The following LRRIQ1 variants were observed in gnomAD, a reference collection of about 807,000 sequenced individuals.
LRRIQ1 encodes the protein leucine rich repeats and IQ motif containing 1.
A neutral mutation model predicts 211.9 loss-of-function variants in LRRIQ1; 210 were observed. The observed-to-expected ratio is 0.99, with a 90% CI of 0.89 to 1.11. LRRIQ1 has a LOEUF of 1.11. Ranked by LOEUF, LRRIQ1 falls within the 50% of genes most tolerant of loss-of-function variation. The pLI is 0.00. For synonymous variants in LRRIQ1, 699 were observed against 650.1 expected, an observed-to-expected ratio of 1.08 and a Z score of -1.14; for missense variants, 2,136 against 1,939.5, an observed-to-expected ratio of 1.10 and a Z score of -1.90.
chr12:85,180,230 C>T (rs1308347935), intron 24 of LRRIQ1, among the ~76,000 whole-genome samples: 1 of 151,760 alleles, frequency 6.6e-6, no homozygotes, highest in Non-Finnish European at 1.5e-5. Flanking sequence ...AGGTTATGGA[C>T]CCTGAAAAAC....
intron 11 of LRRIQ1, among the ~76,000 whole-genome samples, chr12:85,089,294 G>A (rs916060051): frequency 2.6e-4 from 40 of 152,142 alleles, no homozygotes; most frequent in African/African-American, 8.7e-4. Context: ...CAGAAAATTG[G>A]TATCAAGAAG....
chr12:85,189,335 C>G (rs1441014618), intron 24 of LRRIQ1, among the ~76,000 whole-genome samples: 1 of 152,066 alleles, frequency 6.6e-6, no homozygotes, highest in African/African-American at 2.4e-5. Context: ...CTAAGAAGTG[C>G]CTTTACACAC....
Position 85,244,858 on chromosome 12 carries a change from GT to G in LRRIQ1, c.5087del (p.Val1696GlyfsTer26), listed in dbSNP as rs1895645213. On this transcript the variant is annotated frameshift_variant, in exon 27 of 27. Coordinates refer to ENST00000393217, the MANE Select transcript of LRRIQ1 (RefSeq NM_001079910.2). LOFTEE classifies it high-confidence loss of function. Reference sequence around the variant, plus strand: ...CATGACCAATGGAAGTGCTTTGTCTGTGAACAGAGAAAAAAAAAATCAGGCA... The same window carrying G: ...CATGACCAATGGAAGTGCTTTGTCTGGAACAGAGAAAAAAAAAATCAGGCA... ...FSMTNGSALS[V>X]NREKKNQAHR... The G allele has an allele frequency of 1.9e-6, 3 of 1,603,030 alleles. No homozygotes were observed. The highest frequency in any genetic ancestry group is 1.7e-5 in the Admixed American group (1 of 58,510).
intron 1 of LRRIQ1, among the ~76,000 whole-genome samples, chr12:85,254,846 T>C (rs973683093): frequency 6.6e-6 from 1 of 152,038 alleles, no homozygotes; most frequent in Non-Finnish European, 1.5e-5. Flanking sequence ...ATTCTTTGAA[T>C]AACTCCAGAA....
intron 11 of LRRIQ1, among the ~76,000 whole-genome samples, chr12:85,074,487 GTTA>G: frequency 6.6e-6 from 1 of 151,846 alleles, no homozygotes; most frequent in African/African-American, 2.4e-5. Context: ...GTAAAATTAA[GTTA>G]TTATTAACTA....
At chr12:85,099,973 A>C (rs1353803884) in intron 13 of LRRIQ1, among the ~76,000 whole-genome samples, 6 of 151,830 alleles carry the variant, frequency 4.0e-5, no homozygotes. Context: ...TTAAAAGGAC[A>C]TTTGTTCCCA....
intron 24 of LRRIQ1, among the ~76,000 whole-genome samples, chr12:85,205,486 T>G (rs1055101091): frequency 7.9e-5 from 12 of 152,154 alleles, no homozygotes; most frequent in Non-Finnish European, 1.2e-4. Flanking sequence ...CCTGATAGAT[T>G]TCCTTTGTGG....
intron 24 of LRRIQ1, among the ~76,000 whole-genome samples, chr12:85,170,711 C>T (rs1345117884): frequency 2.6e-5 from 4 of 151,606 alleles, no homozygotes; most frequent in Non-Finnish European, 5.9e-5. Flanking sequence ...CTATGTAATT[C>T]TGATCAACTG....
intron 24 of LRRIQ1, among the ~76,000 whole-genome samples, chr12:85,196,328 T>G (rs1892909588): frequency 6.6e-6 from 1 of 152,056 alleles, no homozygotes; most frequent in Non-Finnish European, 1.5e-5. Context: ...AAAAACTACT[T>G]TAAAGTTGAT....
rs1886147445 is a variant in LRRIQ1 at position 85,099,140 on chromosome 12, CATT to C, written c.3209+149_3209+151del. 5 of 428,906 alleles carry C rather than the reference CATT, an allele frequency of 1.2e-5. No individual in the cohort carries two copies. In the East Asian group the frequency reaches 2.3e-4, roughly 19 times the overall value. The allele number at this position is 428,906 out of a possible 1,614,324, so 26.6% of individuals were successfully genotyped here. ...ATTAGTATATAAATTATAAAAATAA[CATT>C]ATAGAATTTTTAAAAATTAAGATGA... On this transcript the variant is annotated intron_variant, in intron 13 of 26. Coordinates refer to ENST00000393217, the MANE Select transcript of LRRIQ1 (RefSeq NM_001079910.2).
At chr12:85,186,163 G>A (rs1334598818) in intron 24 of LRRIQ1, among the ~76,000 whole-genome samples, 1 of 152,044 alleles carries the variant, frequency 6.6e-6, no homozygotes, top group Non-Finnish European at 1.5e-5. Context: ...AATTTATTAA[G>A]CATCTACTTG....
intron 17 of LRRIQ1, among the ~76,000 whole-genome samples, chr12:85,125,047 C>T (rs1471284002): frequency 6.6e-6 from 1 of 151,492 alleles, no homozygotes; most frequent in Non-Finnish European, 1.5e-5. Flanking sequence ...GGCGTTGTGG[C>T]GGGTGCCTGT....
chr12:85,154,362 A>G (rs1453038081), intron 23 of LRRIQ1, among the ~76,000 whole-genome samples: 1 of 151,338 alleles, frequency 6.6e-6, no homozygotes, highest in Non-Finnish European at 1.5e-5. Context: ...ACTGAGAATT[A>G]TAAGTTGTTT....
chr12:85,081,960 T>C (rs1275024427), intron 11 of LRRIQ1, among the ~76,000 whole-genome samples: 1 of 152,020 alleles, frequency 6.6e-6, no homozygotes, highest in East Asian at 1.9e-4. Flanking sequence ...TGACCTCAAG[T>C]CATCTGCTCG....
intron 24 of LRRIQ1, among the ~76,000 whole-genome samples, chr12:85,185,693 A>G (rs1892195372): frequency 1.3e-5 from 2 of 151,986 alleles, no homozygotes; most frequent in South Asian, 4.1e-4. Context: ...AATTGTTGTT[A>G]AAGTGTGAAC....
intron 15 of LRRIQ1, among the ~76,000 whole-genome samples, chr12:85,116,803 AGTATTTTGTTT>A (rs1887615253): frequency 6.6e-6 from 1 of 151,610 alleles, no homozygotes; most frequent in South Asian, 2.1e-4. Context: ...GAGAACATGT[AGTATTTTGTTT>A]CTGCCTTAGT....
At chr12:85,095,332 G>C (rs1198523676) in intron 11 of LRRIQ1, among the ~76,000 whole-genome samples, 1 of 152,008 alleles carries the variant, frequency 6.6e-6, no homozygotes, top group Non-Finnish European at 1.5e-5. Context: ...AACGGATGTT[G>C]GATTTTATCA....
chr12:85,217,562 A>G (rs1421460679), intron 24 of LRRIQ1, among the ~76,000 whole-genome samples: 1 of 102,734 alleles, frequency 9.7e-6, no homozygotes, highest in East Asian at 2.4e-4. Flanking sequence ...ATATAGGTAT[A>G]TATATGTGTG....
chr12:85,214,169 A>T (rs1893968575), intron 24 of LRRIQ1, among the ~76,000 whole-genome samples: 1 of 151,996 alleles, frequency 6.6e-6, no homozygotes, highest in African/African-American at 2.4e-5. Context: ...AGATACATCT[A>T]ACAAGAGATG....
Sources: allele counts gnomAD v4.1 joint callset (sites outside exome capture counted in the v4.1 genomes callset), GRCh38; gene constraint gnomAD v4.1.1; transcripts MANE v1.5; gene names NCBI Gene and HGNC (gene_info 2026-07-23, HGNC 2026-07-21).